FBN2: variants seen among roughly 807,000 people sequenced by gnomAD.
The protein encoded by FBN2 is fibrillin 2, also known as fibrillin-2.
FBN2 carries 105 observed loss-of-function variants against 355.6 expected under a neutral mutation model. The ratio of observed to expected loss-of-function variants is 0.30; its 90% CI spans 0.25 to 0.35. The LOEUF (loss-of-function observed/expected upper bound fraction) is 0.35, where lower values mean the gene tolerates loss of function less well. Among genes scored for constraint, FBN2 ranks in the 10% least tolerant of loss-of-function variants. The pLI is 1.00. For missense variants in FBN2, 3,280 were observed against 3,758.7 expected (o/e 0.87, Z 3.33); for synonymous variants, 1,350 against 1,301.2 (o/e 1.04, Z -0.81).
intron 5 of FBN2, among the ~76,000 whole-genome samples, chr5:128,505,884 G>C (rs559517175): frequency 6.6e-6 from 1 of 152,178 alleles, no homozygotes; most frequent in East Asian, 1.9e-4. Flanking sequence ...CTGCTGATGG[G>C]CATTTGGGTT....
At chr5:128,479,972 CTCTCTATATATATATATATATATA>C (rs1287213296) in intron 5 of FBN2, among the ~76,000 whole-genome samples, 244 of 20,436 alleles carry the variant, frequency 0.012, no homozygotes, top group African/African-American at 0.032. Flanking sequence ...CTCTCTCTCT[CTCTCTATATATATATATATATATA>C]TATATATATA....
intron 5 of FBN2, among the ~76,000 whole-genome samples, chr5:128,481,704 A>T (rs1755193527): frequency 6.6e-6 from 1 of 152,144 alleles, no homozygotes; most frequent in Non-Finnish European, 1.5e-5. Flanking sequence ...TATGATTCTT[A>T]TTATTTGTAT....
At chr5:128,425,076 G>C (rs911152934) in intron 7 of FBN2, among the ~76,000 whole-genome samples, 1 of 149,906 alleles carries the variant, frequency 6.7e-6, no homozygotes, top group African/African-American at 2.5e-5. Context: ...ATTTACTCAA[G>C]TGGAAGTATT....
rs532764751 is a variant in FBN2 at position 128,298,718 on chromosome 5, T to C, written c.6166+2099A>G. Reference sequence around the variant, plus strand: ...CCTTTAAGCACTTCTCTGTATTGGTTATTCTAGTTATACATTCATCTAAAT... The same window carrying C: ...CCTTTAAGCACTTCTCTGTATTGGTCATTCTAGTTATACATTCATCTAAAT... On this transcript the variant is annotated intron_variant, in intron 48 of 64. Transcript: ENST00000262464. Among the ~76,000 whole-genome samples, 18 of 152,320 alleles carry C rather than the reference T, an allele frequency of 1.2e-4. No homozygotes were observed. The East Asian group carries it at 3.3e-3, about 28-fold the overall frequency.
chr5:128,450,436 G>T (rs1371833541), intron 6 of FBN2, among the ~76,000 whole-genome samples: 1 of 151,932 alleles, frequency 6.6e-6, no homozygotes, highest in Non-Finnish European at 1.5e-5. Context: ...TTGAAACAAT[G>T]CACAGGTCAA....
intron 25 of FBN2, among the ~76,000 whole-genome samples, chr5:128,343,998 A>G (rs1372810139): frequency 2.0e-5 from 3 of 152,214 alleles, no homozygotes; most frequent in Non-Finnish European, 4.4e-5. Flanking sequence ...GGGGAGGCCA[A>G]TGCAGGAGGA....
intron 7 of FBN2, among the ~76,000 whole-genome samples, chr5:128,411,047 T>G (rs1053050004): frequency 1.3e-5 from 2 of 152,182 alleles, no homozygotes; most frequent in African/African-American, 2.4e-5. Flanking sequence ...GAGAGTTCCC[T>G]CGAGCCCCTC....
chr5:128,371,431 TTTTC>T (rs1018855355), intron 15 of FBN2, among the ~76,000 whole-genome samples: 1 of 151,894 alleles, frequency 6.6e-6, no homozygotes, highest in African/African-American at 2.4e-5. Flanking sequence ...TTCTCTCTCT[TTTTC>T]TTTCTTTTCT....
intron 58 of FBN2, among the ~76,000 whole-genome samples, chr5:128,276,880 G>C (rs751535759): frequency 9.2e-5 from 14 of 152,162 alleles, no homozygotes; most frequent in Admixed American, 5.9e-4. Flanking sequence ...CCTGGCTTTT[G>C]TGCACACTGC....
intron 41 of FBN2, 79 bp downstream of exon 41, chr5:128,309,168 A>C: frequency 1.4e-6 from 2 of 1,475,922 alleles, no homozygotes; most frequent in Admixed American, 1.7e-5. Context: ...TTTAGCATGC[A>C]GTGACTTTGA....
At chr5:128,465,865 G>A (rs1287813051) in intron 5 of FBN2, among the ~76,000 whole-genome samples, 12 of 152,130 alleles carry the variant, frequency 7.9e-5, no homozygotes, top group Non-Finnish European at 1.6e-4. Context: ...TTTGGGGCCG[G>A]GTAGAAATGC....
chr5:128,292,359 T>C (rs1229708798), intron 48 of FBN2, among the ~76,000 whole-genome samples: 2 of 152,280 alleles, frequency 1.3e-5, no homozygotes, highest in African/African-American at 2.4e-5. Context: ...GTCGTTTTTT[T>C]TGTGGGAAGT....
At chr5:128,484,155 A>G (rs1755270964) in intron 5 of FBN2, among the ~76,000 whole-genome samples, 2 of 152,258 alleles carry the variant, frequency 1.3e-5, no homozygotes, top group Non-Finnish European at 2.9e-5. Flanking sequence ...GAGTACATTT[A>G]TTCTCATTCA....
intron 11 of FBN2, among the ~76,000 whole-genome samples, chr5:128,384,629 G>C (rs1038314645): frequency 2.6e-5 from 4 of 152,046 alleles, no homozygotes; most frequent in African/African-American, 7.2e-5. Context: ...ATCTTTAAGA[G>C]CTTCATTTTC....
chr5:128,336,085 A>G lies in FBN2; in HGVS notation c.3627T>C (p.Asn1209=). The change falls in exon 28 of 65, where the codon AAT becomes AAC. Residue 1209 remains asparagine (N), a synonymous_variant. Transcript: ENST00000262464. ...VDINECSLSD[N]LCRNGKCVNM... ...TCACACATTTTCCATTTCTGCAGAG[A>G]TTGTCACTCAGGGAGCATTCATTAA... 1 of 1,613,520 alleles carries G rather than the reference A, an allele frequency of 6.2e-7. No homozygotes were observed. Among genetic ancestry groups the G allele is most frequent in the Non-Finnish European group, 8.5e-7 (1 of 1,179,530 alleles).
chr5:128,433,447 A>G (rs1453387183), intron 7 of FBN2, among the ~76,000 whole-genome samples: 1 of 152,242 alleles, frequency 6.6e-6, no homozygotes, highest in African/African-American at 2.4e-5. Flanking sequence ...TAATCCTTAA[A>G]ACAGGTAAGA....
chr5:128,466,396 A>G (rs1191330586), intron 5 of FBN2, among the ~76,000 whole-genome samples: 1 of 152,226 alleles, frequency 6.6e-6, no homozygotes, highest in Non-Finnish European at 1.5e-5. Context: ...GAACAAAACT[A>G]CCTAACATTT....
intron 18 of FBN2, among the ~76,000 whole-genome samples, chr5:128,363,328 T>C (rs1751687175): frequency 6.6e-6 from 1 of 152,088 alleles, no homozygotes; most frequent in African/African-American, 2.4e-5. Context: ...GTGCTGGGAT[T>C]ACAGGCACGT....
intron 6 of FBN2, among the ~76,000 whole-genome samples, chr5:128,463,155 A>G (rs1053935330): frequency 6.6e-6 from 1 of 152,158 alleles, no homozygotes; most frequent in Admixed American, 6.5e-5. Context: ...TATCCACTAT[A>G]TAAATTACAT....
Sources: gnomAD v4.1 joint callset for allele counts (sites outside exome capture counted in the v4.1 genomes callset) on GRCh38, gnomAD v4.1.1 for gene constraint, MANE v1.5 for transcripts, NCBI Gene and HGNC (gene_info 2026-07-23, HGNC 2026-07-21) for gene names.